BBS12: variants seen among roughly 807,000 people sequenced by gnomAD.
BBS12 encodes the protein Bardet-Biedl syndrome 12.
BBS12 carries 5 observed loss-of-function variants against 5.6 expected under a neutral mutation model. The ratio of observed to expected loss-of-function variants is 0.89; its 90% confidence interval spans 0.46 to 1.86. The LOEUF (loss-of-function observed/expected upper bound fraction) is 1.86, where lower values mean the gene tolerates loss of function less well. BBS12 is among the 40% of genes most tolerant of loss of function. BBS12 has a pLI of 0.01. For synonymous variants in BBS12, 308 were observed against 306.8 expected, an observed-to-expected ratio of 1.00 and a Z score of -0.04; for missense variants, 748 against 830.4, an observed-to-expected ratio of 0.90 and a Z score of 1.22.
chr4:122,716,606 CAT>C, the BBS12 span, among the ~76,000 whole-genome samples: 37 of 54,074 alleles, frequency 6.8e-4, 2 homozygotes, highest in African/African-American at 1.1e-3. Context: ...TGTATACACA[CAT>C]GTGTGTATAT....
chr4:122,739,663 C>A (rs1162386563), intron 1 of BBS12, among the ~76,000 whole-genome samples: 1 of 152,262 alleles, frequency 6.6e-6, no homozygotes, highest in Non-Finnish European at 1.5e-5. Flanking sequence ...AAGGACAGAG[C>A]AGCCCATGTA....
chr4:122,739,352 A>C lies in BBS12; in HGVS notation c.-10-2531A>C, dbSNP rs187546302. Among the ~76,000 whole-genome samples the C allele has an allele frequency of 8.9e-4, 135 of 152,370 alleles. 2 individuals are homozygous for C. The highest frequency in any genetic ancestry group is 9.7e-4 in the Non-Finnish European group (66 of 68,042). On this transcript the variant is annotated intron_variant, in intron 1 of 1. Transcript: ENST00000314218. ...TGTTCAGCTGTTATGGAAAACAGAC[A>C]GTTCATTCAAAAGTTAAAGATATTT...
chr4:122,739,691 TG>T (rs1424025940), intron 1 of BBS12, among the ~76,000 whole-genome samples: 2 of 152,188 alleles, frequency 1.3e-5, no homozygotes, highest in Non-Finnish European at 2.9e-5. Flanking sequence ...TCGGAGGGTA[TG>T]GGGATGTGGG....
At chr4:122,725,090 T>G in the BBS12 span, among the ~76,000 whole-genome samples, 7 of 152,228 alleles carry the variant, frequency 4.6e-5, no homozygotes, top group Non-Finnish European at 8.8e-5. Flanking sequence ...GCCATTTTAC[T>G]GTTACATAGC....
upstream of BBS12, chr4:122,728,810 T>C (rs1800660314): frequency 1.3e-5 from 2 of 152,218 alleles, no homozygotes; most frequent in Admixed American, 1.3e-4. Flanking sequence ...ATGAACCAGG[T>C]AGTGTCACTA....
the BBS12 span, among the ~76,000 whole-genome samples, chr4:122,718,748 T>TGAAAA: frequency 6.7e-6 from 1 of 149,264 alleles, no homozygotes; most frequent in African/African-American, 2.6e-5. Flanking sequence ...TGAAATGAAA[T>TGAAAA]GAAATGAAAT....
intron 1 of BBS12, among the ~76,000 whole-genome samples, chr4:122,741,065 C>T (rs1163194172): frequency 2.6e-5 from 4 of 152,162 alleles, no homozygotes; most frequent in Non-Finnish European, 4.4e-5. Context: ...AACATTTTAA[C>T]GGTTCCCATT....
rs1361081580 is a variant in BBS12 at position 122,742,083 on chromosome 4, G to T, written c.191G>T (p.Ser64Ile). 1 of 1,614,162 alleles carries T rather than the reference G, an allele frequency of 6.2e-7. No homozygotes were observed. Among genetic ancestry groups the T allele is most frequent in the Non-Finnish European group, 8.5e-7 (1 of 1,180,024 alleles). ...VRLLESLDLTSAVGQLLNEAV... is the reference protein window; with the variant it reads ...VRLLESLDLTIAVGQLLNEAV... ...CTTCTTGAAAGTTTGGATTTAACCA[G>T]TGCAGTGGGACAACTTCTCAATGAA... Residue 64 changes from serine to isoleucine, a missense_variant, in exon 2 of 2, where the codon AGT (serine) becomes ATT (isoleucine). Coordinates refer to ENST00000314218, the MANE Select transcript of BBS12 (RefSeq NM_152618.3).
At chr4:122,721,554 G>C in the BBS12 span, among the ~76,000 whole-genome samples, 1 of 152,130 alleles carries the variant, frequency 6.6e-6, no homozygotes, top group African/African-American at 2.4e-5. Flanking sequence ...GGGTTTAGTG[G>C]GAGCAGATTG....
the BBS12 span, among the ~76,000 whole-genome samples, chr4:122,722,363 C>A: frequency 6.6e-5 from 10 of 152,290 alleles, no homozygotes; most frequent in African/African-American, 2.4e-4. Flanking sequence ...AGTCCTCTTA[C>A]CTGTGCTTTG....
At chr4:122,714,977 G>A in the BBS12 span, among the ~76,000 whole-genome samples, 1 of 151,252 alleles carries the variant, frequency 6.6e-6, no homozygotes, top group East Asian at 1.9e-4. Context: ...AATTAGTTAG[G>A]GCCACCCAAC....
At chr4:122,716,667 A>ACACG in the BBS12 span, among the ~76,000 whole-genome samples, 20 of 77,418 alleles carry the variant, frequency 2.6e-4, no homozygotes, top group South Asian at 6.0e-4. Flanking sequence ...GCACATACAC[A>ACACG]TATGTGTATA....
chr4:122,721,552 T>A, the BBS12 span, among the ~76,000 whole-genome samples: 1 of 152,236 alleles, frequency 6.6e-6, no homozygotes, highest in East Asian at 1.9e-4. Flanking sequence ...CAGGGTTTAG[T>A]GGGAGCAGAT....
At chr4:122,700,894 C>G in the BBS12 span, among the ~76,000 whole-genome samples, 1 of 152,174 alleles carries the variant, frequency 6.6e-6, no homozygotes, top group Non-Finnish European at 1.5e-5. Context: ...CTTCCTTTCT[C>G]TAAACATAGA....
chr4:122,709,779 C>T, the BBS12 span, among the ~76,000 whole-genome samples: 3 of 152,012 alleles, frequency 2.0e-5, no homozygotes, highest in Admixed American at 6.6e-5. Context: ...CTCAGCCTCC[C>T]GAGTAGCTGG....
chr4:122,708,551 GC>G, the BBS12 span, among the ~76,000 whole-genome samples: 21 of 150,680 alleles, frequency 1.4e-4, no homozygotes, highest in East Asian at 4.1e-3. Context: ...AGAAATCATA[GC>G]AAAAGTCATA....
rs976648722 is a variant in BBS12 at position 122,733,879 on chromosome 4, T to A, written c.-11+995T>A. On this transcript the variant is annotated intron_variant, in intron 1 of 1. Coordinates refer to ENST00000314218, the MANE Select transcript of BBS12 (RefSeq NM_152618.3). ...TTAGTCTTTTTTTTTTTTTTTTTTT[T>A]TTTGTCTCACTTATCTTCCTGAAGG... is the stretch of plus-strand genomic sequence containing the variant. 1.1e-4 allele frequency: 15 copies of A among 135,810 alleles called. No homozygotes were observed. The East Asian group carries it at 4.2e-3, about 38-fold the overall frequency. 8.4% of individuals were successfully genotyped at this position (135,810 alleles called of 1,614,324 possible). A position where few individuals can be genotyped will look rare whatever the true frequency, so the allele number is the denominator to read the frequency against.
chr4:122,715,382 C>T, the BBS12 span, among the ~76,000 whole-genome samples: 1 of 151,280 alleles, frequency 6.6e-6, no homozygotes. Flanking sequence ...ACTTAAAATC[C>T]TGCTTTGACA....
At chr4:122,706,960 A>G in the BBS12 span, among the ~76,000 whole-genome samples, 1 of 151,826 alleles carries the variant, frequency 6.6e-6, no homozygotes, top group Non-Finnish European at 1.5e-5. Flanking sequence ...CCTTTCTGAG[A>G]TAATTCTGAG....
Sources: gnomAD v4.1 joint callset for allele counts (sites outside exome capture counted in the v4.1 genomes callset) on GRCh38, gnomAD v4.1.1 for gene constraint, MANE v1.5 for transcripts, NCBI Gene and HGNC (gene_info 2026-07-23, HGNC 2026-07-21) for gene names.